The following PRKN variants were observed in gnomAD, a reference collection of about 807,000 sequenced individuals.
PRKN encodes the protein E3 ubiquitin-protein ligase parkin.
In PRKN, 56 loss-of-function variants were observed where a neutral mutation model predicts 59.5. The observed-to-expected ratio is 0.94, with a 90% CI of 0.76 to 1.18. PRKN has a LOEUF of 1.18. Ranked by LOEUF, PRKN falls within the 50% of genes most tolerant of loss-of-function variation. The pLI, the probability that PRKN is intolerant of heterozygous loss-of-function variation, is 0.00. For missense variants in PRKN, 657 were observed against 596.4 expected, an observed-to-expected ratio of 1.10 and a Z score of -1.06; for synonymous variants, 250 against 222.1, an observed-to-expected ratio of 1.13 and a Z score of -1.12.
intron 4 of PRKN, among the ~76,000 whole-genome samples, chr6:162,196,644 T>C (rs6929127): frequency 0.92 from 139,889 of 152,278 alleles, 64,307 homozygotes; most frequent in East Asian, 0.99. Context: ...ATGAAGAAAA[T>C]TTGAGTCCGG....
intron 9 of PRKN, among the ~76,000 whole-genome samples, chr6:161,432,411 G>A (rs1395205208): frequency 6.9e-6 from 1 of 143,982 alleles, no homozygotes; most frequent in Admixed American, 7.2e-5. Flanking sequence ...CATCCAGGCT[G>A]GAGTTTAATG....
chr6:161,613,685 T>C (rs1384374368), intron 7 of PRKN, among the ~76,000 whole-genome samples: 1 of 152,144 alleles, frequency 6.6e-6, no homozygotes, highest in Non-Finnish European at 1.5e-5. Context: ...GCCATCAACA[T>C]GAAGGTAAGA....
chr6:162,571,422 A>G (rs1160592132), intron 1 of PRKN: 1 of 152,192 alleles, frequency 6.6e-6, no homozygotes, highest in East Asian at 1.9e-4. Context: ...TAATTAAAAA[A>G]GATAATCTAG....
At chr6:162,250,737 C>G (rs1779400085) in intron 3 of PRKN, among the ~76,000 whole-genome samples, 4 of 152,192 alleles carry the variant, frequency 2.6e-5, no homozygotes. Flanking sequence ...TGAAACTTCT[C>G]TGTAAAGAAA....
At chr6:161,508,966 T>C (rs1023308873) in intron 9 of PRKN, among the ~76,000 whole-genome samples, 5 of 152,064 alleles carry the variant, frequency 3.3e-5, no homozygotes, top group African/African-American at 1.2e-4. Context: ...CGCCTCAGCC[T>C]CCCAAGTAGC....
At chr6:161,365,012 G>A (rs773165577) in intron 10 of PRKN, among the ~76,000 whole-genome samples, 1 of 151,894 alleles carries the variant, frequency 6.6e-6, no homozygotes, top group African/African-American at 2.4e-5. Flanking sequence ...ATTCTAATGC[G>A]CTGGCATGAT....
At chr6:162,567,116 T>C (rs1780114477) in intron 1 of PRKN, among the ~76,000 whole-genome samples, 1 of 152,138 alleles carries the variant, frequency 6.6e-6, no homozygotes, top group South Asian at 2.1e-4. Flanking sequence ...CATCTCAACA[T>C]ATGGCTTTTA....
intron 1 of PRKN, among the ~76,000 whole-genome samples, chr6:162,614,753 T>G (rs1182714206): frequency 6.6e-6 from 1 of 152,156 alleles, no homozygotes; most frequent in Non-Finnish European, 1.5e-5. Flanking sequence ...CTCTAATTGA[T>G]GAAAACTCAA....
chr6:161,700,507 G>A (rs1318638702), intron 7 of PRKN, among the ~76,000 whole-genome samples: 1 of 152,140 alleles, frequency 6.6e-6, no homozygotes, highest in Non-Finnish European at 1.5e-5. Context: ...ATTCAGATCT[G>A]ATTAGGGACC....
At chr6:161,743,548 C>T (rs1788287136) in intron 7 of PRKN, among the ~76,000 whole-genome samples, 1 of 151,948 alleles carries the variant, frequency 6.6e-6, no homozygotes, top group African/African-American at 2.4e-5. Context: ...TGCGCCTGGA[C>T]TTGGTTTCTA....
chr6:161,856,830 G>C (rs1019271284), intron 6 of PRKN, among the ~76,000 whole-genome samples: 6 of 151,992 alleles, frequency 3.9e-5, no homozygotes, highest in Non-Finnish European at 4.4e-5. Flanking sequence ...TAAAATACTG[G>C]GCTTTATATA....
chr6:161,878,241 G>A (rs1170990717), intron 6 of PRKN, among the ~76,000 whole-genome samples: 1 of 152,274 alleles, frequency 6.6e-6, no homozygotes, highest in South Asian at 2.1e-4. Context: ...TTTTTAAAAT[G>A]TAATCTTCTA....
At chr6:162,558,302 T>C (rs1779693192) in intron 1 of PRKN, among the ~76,000 whole-genome samples, 1 of 151,616 alleles carries the variant, frequency 6.6e-6, no homozygotes, top group Admixed American at 6.6e-5. Flanking sequence ...TTTCACTGAC[T>C]TTTAAGCAAA....
At position 162,217,306 on chromosome 6, in the gene PRKN, C is replaced by T. The variant is rs189220641; in HGVS notation, c.413-16054G>A. ...AGAAGGAAGCAGAAAAACAAACACA[C>T]ACATCCACATGTTCCTTCTCCTTAC... On this transcript the variant is annotated intron_variant, in intron 3 of 11. Coordinates refer to ENST00000366898, the MANE Select transcript of PRKN (RefSeq NM_004562.3). 4.7e-4 allele frequency among the ~76,000 whole-genome samples: 71 copies of T among 152,250 alleles called. No individual in the cohort carries two copies. The East Asian group carries it at 9.9e-3, about 21-fold the overall frequency.
intron 7 of PRKN, among the ~76,000 whole-genome samples, chr6:161,749,110 G>A (rs928110715): frequency 1.3e-5 from 2 of 152,122 alleles, no homozygotes; most frequent in African/African-American, 4.8e-5. Flanking sequence ...GCCGGGAGGC[G>A]GGCAAGCAGG....
intron 2 of PRKN, among the ~76,000 whole-genome samples, chr6:162,271,033 T>TC (rs1164285894): frequency 6.7e-6 from 1 of 148,922 alleles, no homozygotes; most frequent in Non-Finnish European, 1.5e-5. Context: ...TTTTTTTTTT[T>TC]TTTTGTAGAG....
chr6:162,459,411 A>G (rs531276793), intron 1 of PRKN, among the ~76,000 whole-genome samples: 1 of 152,322 alleles, frequency 6.6e-6, no homozygotes, highest in East Asian at 1.9e-4. Flanking sequence ...ATTAATTAAT[A>G]TTTAATGAAA....
intron 5 of PRKN, among the ~76,000 whole-genome samples, chr6:161,978,617 A>G (rs1379710676): frequency 6.6e-6 from 1 of 152,146 alleles, no homozygotes; most frequent in African/African-American, 2.4e-5. Context: ...AAAAATTAAA[A>G]AAGTCAAAGA....
chr6:161,732,830 T>A (rs1787779959), intron 7 of PRKN, among the ~76,000 whole-genome samples: 1 of 152,150 alleles, frequency 6.6e-6, no homozygotes, highest in South Asian at 2.1e-4. Context: ...GATGACCTGG[T>A]CTCATGCAAA....
Sources: allele counts gnomAD v4.1 joint callset (sites outside exome capture counted in the v4.1 genomes callset), GRCh38; gene constraint gnomAD v4.1.1; transcripts MANE v1.5; gene names NCBI Gene and HGNC (gene_info 2026-07-23, HGNC 2026-07-21).